Variants in ADAM32 observed in about 807,000 individuals in gnomAD.
ADAM32 encodes disintegrin and metalloproteinase domain-containing protein 32.
ADAM32 carries 89 observed loss-of-function variants against 114.9 expected under a neutral mutation model. That is an observed-to-expected ratio of 0.77 (90% CI 0.65 to 0.92). The LOEUF (loss-of-function observed/expected upper bound fraction) is 0.92, where lower values mean the gene tolerates loss of function less well. Ranked by LOEUF, ADAM32 falls within the 40% of genes least tolerant of loss-of-function variation. ADAM32 has a pLI of 0.00. For missense variants in ADAM32, 870 were observed against 932.8 expected, an observed-to-expected ratio of 0.93 and a Z score of 0.88; for synonymous variants, 285 against 307.5, an observed-to-expected ratio of 0.93 and a Z score of 0.77.
At chr8:39,251,560 C>T (rs1444256692) in intron 17 of ADAM32, among the ~76,000 whole-genome samples, 3 of 151,282 alleles carry the variant, frequency 2.0e-5, no homozygotes, top group African/African-American at 7.3e-5. Context: ...TAATCATATA[C>T]TTTGTGGAGT....
chr8:39,154,883 T>TG (rs1482152054), intron 6 of ADAM32, among the ~76,000 whole-genome samples: 3 of 89,396 alleles, frequency 3.4e-5, no homozygotes, highest in South Asian at 4.9e-4. Flanking sequence ...CACTTTTTGA[T>TG]GGTTTTTTTT....
At chr8:39,155,926 T>C (rs944132931) in intron 6 of ADAM32, among the ~76,000 whole-genome samples, 2 of 152,188 alleles carry the variant, frequency 1.3e-5, no homozygotes, top group Admixed American at 1.3e-4. Context: ...TAATACCAAC[T>C]TAGCCTCTAT....
intron 19 of ADAM32, among the ~76,000 whole-genome samples, chr8:39,270,487 G>T (rs1437787996): frequency 6.6e-6 from 1 of 152,092 alleles, no homozygotes; most frequent in Admixed American, 6.5e-5. Context: ...TCCTTCTAAG[G>T]CAGTGCTACT....
At chr8:39,172,970 A>G (rs1033521526) in intron 10 of ADAM32, among the ~76,000 whole-genome samples, 5 of 152,186 alleles carry the variant, frequency 3.3e-5, no homozygotes, top group Admixed American at 1.3e-4. Flanking sequence ...CAGTCTAAAC[A>G]TGTTCCAGGC....
intron 11 of ADAM32, among the ~76,000 whole-genome samples, chr8:39,194,878 C>A (rs1806858551): frequency 6.6e-6 from 1 of 152,168 alleles, no homozygotes; most frequent in Non-Finnish European, 1.5e-5. Flanking sequence ...CTGCACCAAA[C>A]CTCTGGGCTC....
At chr8:39,160,566 A>T (rs968068774) in intron 6 of ADAM32, among the ~76,000 whole-genome samples, 1 of 144,828 alleles carries the variant, frequency 6.9e-6, no homozygotes, top group Non-Finnish European at 1.5e-5. Context: ...AAAAAAAAAA[A>T]AAAATCCTCC....
chr8:39,209,828 C>T (rs1163753202), intron 11 of ADAM32, among the ~76,000 whole-genome samples: 2 of 152,200 alleles, frequency 1.3e-5, no homozygotes, highest in African/African-American at 4.8e-5. Flanking sequence ...TTTTCTTCCC[C>T]TAGCAGAAGG....
At chr8:39,247,771 C>T (rs1811021684) in intron 17 of ADAM32, among the ~76,000 whole-genome samples, 1 of 144,748 alleles carries the variant, frequency 6.9e-6, no homozygotes, top group Non-Finnish European at 1.5e-5. Context: ...TACCCAAGGT[C>T]ATCCAGGTTT....
chr8:39,211,827 G>A (rs1434634876), intron 12 of ADAM32, among the ~76,000 whole-genome samples: 1 of 152,048 alleles, frequency 6.6e-6, no homozygotes, highest in Non-Finnish European at 1.5e-5. Flanking sequence ...ATATAATTCA[G>A]TATTTGTAGC....
chr8:39,197,771 A>T (rs1362952340), intron 11 of ADAM32, among the ~76,000 whole-genome samples: 12 of 152,190 alleles, frequency 7.9e-5, no homozygotes. Context: ...TGTACTAATG[A>T]AAAGAATGTT....
rs144646892 is a variant in ADAM32 at position 39,133,919 on chromosome 8, G to A, written c.139-2738G>A. Among the ~76,000 whole-genome samples the A allele has an allele frequency of 1.9e-3, 294 of 152,318 alleles. 1 individual carries two copies. Among genetic ancestry groups the A allele is most frequent in the African/African-American group, 6.9e-3 (285 of 41,574 alleles). ...GCTGTGTCCCTGCTGCTGGGAGCGCGTGAGGTTGCTGTCAGTGCTGGCAGC... is the reference window on the plus strand; with the variant it reads ...GCTGTGTCCCTGCTGCTGGGAGCGCATGAGGTTGCTGTCAGTGCTGGCAGC... On this transcript the variant is annotated intron_variant, in intron 2 of 24. Transcript: ENST00000379907.
intron 11 of ADAM32, among the ~76,000 whole-genome samples, chr8:39,187,566 C>T (rs975724988): frequency 9.8e-5 from 15 of 152,310 alleles, no homozygotes; most frequent in Non-Finnish European, 1.5e-4. Context: ...CCACCGCGCC[C>T]GGCCAGGATC....
At chr8:39,243,057 T>C (rs1176336787) in intron 16 of ADAM32, among the ~76,000 whole-genome samples, 1 of 151,924 alleles carries the variant, frequency 6.6e-6, no homozygotes, top group East Asian at 1.9e-4. Context: ...TTCCTGGAAA[T>C]ATACAACCCT....
chr8:39,266,868 A>AT (rs1812393220), intron 19 of ADAM32, among the ~76,000 whole-genome samples: 2 of 152,188 alleles, frequency 1.3e-5, no homozygotes, highest in African/African-American at 4.8e-5. Context: ...TCACTGTGGT[A>AT]TAAGTTAGGC....
intron 2 of ADAM32, among the ~76,000 whole-genome samples, chr8:39,124,706 C>A (rs1017786281): frequency 6.6e-6 from 1 of 152,266 alleles, no homozygotes; most frequent in South Asian, 2.1e-4. Context: ...TAAGCCACCG[C>A]GCCCAGCCAA....
chr8:39,229,312 C>A (rs889452045), intron 14 of ADAM32, among the ~76,000 whole-genome samples: 2 of 152,136 alleles, frequency 1.3e-5, no homozygotes, highest in Admixed American at 6.5e-5. Flanking sequence ...ACAGAGGCAA[C>A]AAAGAGGATG....
intron 2 of ADAM32, 89 bp from the exon 3 acceptor site, chr8:39,136,568 A>C (rs987127021): frequency 1.4e-5 from 11 of 775,548 alleles, no homozygotes; most frequent in Non-Finnish European, 1.6e-5. Flanking sequence ...TGTTTTAAGC[A>C]TTGTTTGGAC....
chr8:39,244,350 A>C (rs1810755929), intron 16 of ADAM32, among the ~76,000 whole-genome samples: 1 of 152,164 alleles, frequency 6.6e-6, no homozygotes, highest in South Asian at 2.1e-4. Flanking sequence ...CAAAATAAGA[A>C]AACCCAAAAA....
intron 4 of ADAM32, among the ~76,000 whole-genome samples, chr8:39,147,435 A>T (rs1357747811): frequency 6.6e-6 from 1 of 151,904 alleles, no homozygotes; most frequent in East Asian, 1.9e-4. Flanking sequence ...TATTTTGTTA[A>T]ATAAAATATT....
Sources: gnomAD v4.1 joint callset for allele counts (sites outside exome capture counted in the v4.1 genomes callset) on GRCh38, gnomAD v4.1.1 for gene constraint, MANE v1.5 for transcripts, NCBI Gene and HGNC (gene_info 2026-07-23, HGNC 2026-07-21) for gene names.